Variants in CNPY1 observed in about 807,000 individuals in gnomAD.
The protein encoded by CNPY1 is canopy FGF signaling regulator 1.
Under a neutral mutation model 14.4 loss-of-function variants are expected in CNPY1, and 14 were observed. The observed-to-expected ratio is 0.97, with a 90% CI of 0.64 to 1.52. The LOEUF is 1.52. CNPY1 is among the 40% of genes most tolerant of loss of function. The pLI is 0.00. For synonymous variants in CNPY1, 43 were observed against 46.5 expected (o/e 0.92, Z 0.31); for missense variants, 129 against 131.5 (o/e 0.98, Z 0.09).
chr7:155,514,072 C>A (rs1010391154), intron 2 of CNPY1, among the ~76,000 whole-genome samples: 1 of 152,166 alleles, frequency 6.6e-6, no homozygotes, highest in Non-Finnish European at 1.5e-5. Flanking sequence ...TCAGAGGGCT[C>A]CTACTGCTTT....
intron 2 of CNPY1, among the ~76,000 whole-genome samples, chr7:155,530,746 C>T (rs1183889335): frequency 6.6e-6 from 1 of 152,214 alleles, no homozygotes; most frequent in Admixed American, 6.5e-5. Flanking sequence ...TCTCCACCCT[C>T]AGCACTACTG....
chr7:155,537,109 C>T (rs544533508), intron 2 of CNPY1, among the ~76,000 whole-genome samples: 2 of 152,260 alleles, frequency 1.3e-5, no homozygotes, highest in Admixed American at 6.5e-5. Context: ...TTTATTACTC[C>T]GCATGCTAAC....
intron 2 of CNPY1, among the ~76,000 whole-genome samples, chr7:155,520,428 C>CTTTCTTT (rs1796697772): frequency 1.4e-5 from 1 of 69,410 alleles, no homozygotes; most frequent in African/African-American, 6.2e-5. Context: ...TTCTTTCTTT[C>CTTTCTTT]TTTTTTTTTT....
rs1356402922 is a variant in CNPY1, at chr7:155,519,775, A to G, written c.100-10678T>C. On this transcript the variant is annotated intron_variant, in intron 2 of 4. Coordinates refer to ENST00000636446, the MANE Select transcript of CNPY1 (RefSeq NM_001393663.1). ...ACAATCTTAGCATCCTGACAAATCAAAGTGTCTCTTTCCAGCCTTCACCCA... is the reference window on the plus strand; with the variant it reads ...ACAATCTTAGCATCCTGACAAATCAGAGTGTCTCTTTCCAGCCTTCACCCA... Among the ~76,000 whole-genome samples the G allele has an allele frequency of 3.9e-5, 6 of 152,286 alleles. No homozygotes were observed. In the East Asian group the frequency reaches 9.6e-4, roughly 24 times the overall value.
intron 2 of CNPY1, among the ~76,000 whole-genome samples, chr7:155,533,480 A>C (rs1796976813): frequency 6.6e-6 from 1 of 152,230 alleles, no homozygotes; most frequent in South Asian, 2.1e-4. Context: ...GGCGCGCCTC[A>C]GAATGACAGC....
intron 4 of CNPY1, among the ~76,000 whole-genome samples, chr7:155,505,072 T>TAGG (rs1410651493): frequency 1.3e-5 from 2 of 152,238 alleles, no homozygotes; most frequent in Non-Finnish European, 2.9e-5. Context: ...CTTGTTATCG[T>TAGG]GCTATTAACT....
At position 155,545,945 on chromosome 7, in the gene CNPY1, T is replaced by C. The variant is rs1362736920; in HGVS notation, c.-14-2A>G. ...TCTCGTCCATCAGCGCCCTGCACGC[T>C]AAACAAGACACAAAACAGCTGTGAT... On this transcript the variant is annotated splice_acceptor_variant, in intron 1 of 4. Coordinates refer to ENST00000636446, the MANE Select transcript of CNPY1 (RefSeq NM_001393663.1). LOFTEE classifies it low-confidence loss of function (5UTR_SPLICE). The C allele has an allele frequency of 5.0e-6, 2 of 398,442 alleles. No homozygotes were observed. The highest frequency in any genetic ancestry group is 4.1e-5 in the African/African-American group (2 of 48,608). The allele number at this position is 398,442 out of a possible 1,614,324, so 24.7% of individuals were successfully genotyped here.
In CNPY1 at chr7:155,502,003, T is replaced by TGGGGGGGGGGGGGGTGG. The variant is rs60236629; in HGVS notation, c.*1064_*1065insCCACCCCCCCCCCCCCC. 6 of 125,222 alleles carry TGGGGGGGGGGGGGGTGG rather than the reference T, an allele frequency of 4.8e-5. No homozygotes were observed. Among genetic ancestry groups the TGGGGGGGGGGGGGGTGG allele is most frequent in the Non-Finnish European group, 1.0e-4 (6 of 60,014 alleles). The allele number at this position is 125,222 out of a possible 1,614,324, so 7.8% of individuals were successfully genotyped here. A position where few individuals can be genotyped will look rare whatever the true frequency, so the allele number is the denominator to read the frequency against. ...GCAAAGAGTTTTGGGTCGGGGGGGT[T>TGGGGGGGGGGGGGGTGG]GGGGGGGGGATTTGTAGCATCCTAC... On this transcript the variant is annotated 3_prime_UTR_variant, in exon 5 of 5. Coordinates refer to ENST00000636446, the MANE Select transcript of CNPY1 (RefSeq NM_001393663.1).
chr7:155,502,970 AT>A lies in CNPY1; in HGVS notation c.*97del. 2 of 1,127,830 alleles carry A rather than the reference AT, an allele frequency of 1.8e-6. No homozygotes were observed. The allele number at this position is 1,127,830 out of a possible 1,614,324, so 69.9% of individuals were successfully genotyped here. A position where few individuals can be genotyped will look rare whatever the true frequency, so the allele number is the denominator to read the frequency against. On this transcript the variant is annotated 3_prime_UTR_variant, in exon 5 of 5. Transcript: ENST00000636446. ...AAACACGGTATAAACAAGAGACAAAATTTTTCTTATCATGAAAGACAACATG... is the reference window on the plus strand; with the variant it reads ...AAACACGGTATAAACAAGAGACAAAATTTTCTTATCATGAAAGACAACATG...
At chr7:155,506,905 C>CA in intron 4 of CNPY1, 115 bp downstream of exon 4, 1 of 681,220 alleles carries the variant, frequency 1.5e-6, no homozygotes, top group East Asian at 2.8e-5. Context: ...GATCCTGTGT[C>CA]AGAGCCGTGG....
rs555959131 is a variant in CNPY1 at position 155,509,324 on chromosome 7, A to C, written c.100-227T>G. On this transcript the variant is annotated intron_variant, in intron 2 of 4. Coordinates refer to ENST00000636446, the MANE Select transcript of CNPY1 (RefSeq NM_001393663.1). The stretch of plus-strand genomic sequence containing the variant: ...AAATTCCAGTTTTTTAAAAGTGCAT[A>C]TATTTCAAAGTGGCCAGAAAAAAAA... 2.0e-5 allele frequency among the ~76,000 whole-genome samples: 3 copies of C among 152,342 alleles called. No individual in the cohort carries two copies. The South Asian group carries it at 6.2e-4, about 32-fold the overall frequency.
chr7:155,527,068 TTTTGAGACAG>T (rs1796838476), intron 2 of CNPY1, among the ~76,000 whole-genome samples: 4 of 146,682 alleles, frequency 2.7e-5, no homozygotes, highest in Non-Finnish European at 6.0e-5. Flanking sequence ...TTTTTTTTTT[TTTTGAGACAG>T]TCTTGCTCTG....
chr7:155,532,348 G>C (rs1430549184), intron 2 of CNPY1, among the ~76,000 whole-genome samples: 1 of 152,068 alleles, frequency 6.6e-6, no homozygotes, highest in Non-Finnish European at 1.5e-5. Context: ...ATGGGCCCGG[G>C]GCCGTGGCTC....
At chr7:155,515,771 A>G (rs1275100673) in intron 2 of CNPY1, among the ~76,000 whole-genome samples, 1 of 152,184 alleles carries the variant, frequency 6.6e-6, no homozygotes, top group Non-Finnish European at 1.5e-5. Context: ...GCCTCTTTTC[A>G]ATGAGCGTTC....
intron 2 of CNPY1, among the ~76,000 whole-genome samples, chr7:155,538,089 G>A (rs1797044053): frequency 6.6e-6 from 1 of 152,080 alleles, no homozygotes; most frequent in African/African-American, 2.4e-5. Context: ...CTTAATAATA[G>A]GAAAATACCC....
intron 2 of CNPY1, among the ~76,000 whole-genome samples, chr7:155,521,411 G>A (rs1364517793): frequency 1.3e-5 from 2 of 152,198 alleles, no homozygotes; most frequent in African/African-American, 2.4e-5. Flanking sequence ...ACGCCATGAA[G>A]CCAAACGCTA....
At chr7:155,521,946 A>G (rs974019611) in intron 2 of CNPY1, among the ~76,000 whole-genome samples, 4 of 152,254 alleles carry the variant, frequency 2.6e-5, no homozygotes, top group African/African-American at 9.6e-5. Context: ...CCGGAAGGGC[A>G]GGTCCCCAAC....
intron 2 of CNPY1, among the ~76,000 whole-genome samples, chr7:155,517,916 T>C (rs1470449738): frequency 1.3e-5 from 2 of 152,238 alleles, no homozygotes; most frequent in Non-Finnish European, 2.9e-5. Context: ...ATAGCCATCA[T>C]TGTCTTAGAT....
intron 2 of CNPY1, among the ~76,000 whole-genome samples, chr7:155,517,301 C>T (rs1796639826): frequency 6.6e-6 from 1 of 152,178 alleles, no homozygotes; most frequent in South Asian, 2.1e-4. Context: ...GGGAAGACGC[C>T]ATCTACAAGC....
Sources: gnomAD v4.1 joint callset for allele counts (sites outside exome capture counted in the v4.1 genomes callset) on GRCh38, gnomAD v4.1.1 for gene constraint, MANE v1.5 for transcripts, NCBI Gene and HGNC (gene_info 2026-07-23, HGNC 2026-07-21) for gene names.